The following CNTNAP5 variants were observed in gnomAD, a reference collection of about 807,000 sequenced individuals.
CNTNAP5 encodes the protein contactin associated protein family member 5, also known as contactin-associated protein-like 5.
CNTNAP5 carries 72 observed loss-of-function variants against 150.2 expected under a neutral mutation model. The observed-to-expected ratio is 0.48, with a 90% CI of 0.40 to 0.58. The LOEUF is 0.58. Among genes scored for constraint, CNTNAP5 ranks in the 20% least tolerant of loss-of-function variants. The pLI is 0.00. For missense variants in CNTNAP5, 1,636 were observed against 1,626.2 expected, an observed-to-expected ratio of 1.01 and a Z score of -0.10; for synonymous variants, 672 against 619.8, an observed-to-expected ratio of 1.08 and a Z score of -1.25.
intron 13 of CNTNAP5, among the ~76,000 whole-genome samples, chr2:124,725,300 C>G (rs951626104): frequency 6.6e-6 from 1 of 151,820 alleles, no homozygotes; most frequent in African/African-American, 2.4e-5. Context: ...TTTTTTCCAG[C>G]TTTATTGAAG....
intron 1 of CNTNAP5, among the ~76,000 whole-genome samples, chr2:124,095,879 A>T (rs1041753870): frequency 6.6e-6 from 1 of 152,074 alleles, no homozygotes; most frequent in Non-Finnish European, 1.5e-5. Flanking sequence ...AATCTTTAAC[A>T]CTCTTATGAG....
Position 124,419,896 on chromosome 2 carries a change from TTTTCTTTCTTTCTTTCTTTCTTTC to T in CNTNAP5, c.529+2343_529+2366del, listed in dbSNP as rs776205045. Reference sequence around the variant, plus strand: ...CATGTTTTTTATTTGACTGGATTGGTTTTCTTTCTTTCTTTCTTTCTTTCTTTCTTTCTTTCTTTCTTTCTTTCT... The same window carrying T: ...CATGTTTTTTATTTGACTGGATTGGTTTTCTTTCTTTCTTTCTTTCTTTCT... On this transcript the variant is annotated intron_variant, in intron 4 of 23. Coordinates refer to ENST00000682447, the MANE Select transcript of CNTNAP5 (RefSeq NM_001367498.1). Among the ~76,000 whole-genome samples the T allele has an allele frequency of 1.1e-3, 92 of 85,228 alleles. No homozygotes were observed. The Middle Eastern group carries it at 0.016, about 15-fold the overall frequency. 55.9% of individuals were successfully genotyped at this position (85,228 alleles called of 152,430 possible).
At chr2:124,503,661 C>G (rs904560369) in intron 7 of CNTNAP5, among the ~76,000 whole-genome samples, 2 of 152,184 alleles carry the variant, frequency 1.3e-5, no homozygotes, top group Non-Finnish European at 2.9e-5. Context: ...GGCTTTCAAG[C>G]TCTGCCTCTC....
intron 11 of CNTNAP5, among the ~76,000 whole-genome samples, chr2:124,567,135 A>G (rs1250735998): frequency 6.6e-6 from 1 of 152,170 alleles, no homozygotes; most frequent in Non-Finnish European, 1.5e-5. Context: ...ATGTGAAGCA[A>G]GAGGACAGAC....
At chr2:124,434,150 T>C (rs551000765) in intron 4 of CNTNAP5, among the ~76,000 whole-genome samples, 1 of 152,316 alleles carries the variant, frequency 6.6e-6, no homozygotes, top group South Asian at 2.1e-4. Flanking sequence ...AGAGAGATTA[T>C]TCTAAGCCAT....
At chr2:124,699,068 T>C (rs1679465366) in intron 13 of CNTNAP5, among the ~76,000 whole-genome samples, 1 of 152,178 alleles carries the variant, frequency 6.6e-6, no homozygotes, top group South Asian at 2.1e-4. Context: ...GTAATTTAAA[T>C]TGAAGTTTAA....
At chr2:124,519,463 C>A (rs905151950) in intron 8 of CNTNAP5, among the ~76,000 whole-genome samples, 2 of 152,192 alleles carry the variant, frequency 1.3e-5, no homozygotes, top group African/African-American at 4.8e-5. Flanking sequence ...AGGAGCAGGG[C>A]AGGGCTGGCT....
At chr2:124,819,645 T>C (rs1430781918) in intron 19 of CNTNAP5, among the ~76,000 whole-genome samples, 2 of 152,226 alleles carry the variant, frequency 1.3e-5, no homozygotes, top group East Asian at 3.9e-4. Context: ...ATCCTTTAGC[T>C]TCAGGGCTGA....
chr2:124,841,374 T>C (rs1682941460), intron 19 of CNTNAP5, among the ~76,000 whole-genome samples: 1 of 146,758 alleles, frequency 6.8e-6, no homozygotes, highest in Admixed American at 6.6e-5. Context: ...AGATATGCAC[T>C]CCATCTTTTT....
chr2:124,422,567 C>T (rs760869844), intron 4 of CNTNAP5, among the ~76,000 whole-genome samples: 4 of 152,204 alleles, frequency 2.6e-5, no homozygotes, highest in Non-Finnish European at 1.5e-5. Context: ...CCTGGATTGT[C>T]AACATTGCCA....
chr2:124,679,225 A>C (rs1679009053), intron 13 of CNTNAP5, among the ~76,000 whole-genome samples: 1 of 151,876 alleles, frequency 6.6e-6, no homozygotes, highest in Non-Finnish European at 1.5e-5. Flanking sequence ...CTCCTCAAGG[A>C]GATGAATTGA....
chr2:124,269,985 G>A (rs567977067), intron 3 of CNTNAP5, among the ~76,000 whole-genome samples: 1 of 152,120 alleles, frequency 6.6e-6, no homozygotes, highest in Non-Finnish European at 1.5e-5. Context: ...AAGCATAACA[G>A]TTCTTATATT....
At chr2:124,359,219 C>A (rs1477223152) in intron 3 of CNTNAP5, among the ~76,000 whole-genome samples, 1 of 151,596 alleles carries the variant, frequency 6.6e-6, no homozygotes, top group East Asian at 2.0e-4. Context: ...GTCTTGCTAG[C>A]GGTCTATCAA....
At chr2:124,160,003 C>T (rs1684635988) in intron 1 of CNTNAP5, among the ~76,000 whole-genome samples, 1 of 152,120 alleles carries the variant, frequency 6.6e-6, no homozygotes, top group African/African-American at 2.4e-5. Context: ...TAGCCTATGA[C>T]ATAGTGTATT....
chr2:124,750,586 A>T (rs973721101), intron 14 of CNTNAP5, among the ~76,000 whole-genome samples: 1 of 152,164 alleles, frequency 6.6e-6, no homozygotes, highest in Non-Finnish European at 1.5e-5. Context: ...AGAGAAAGTC[A>T]GGGGCATTAC....
At chr2:124,856,593 T>G (rs912825380) in intron 19 of CNTNAP5, among the ~76,000 whole-genome samples, 1 of 152,164 alleles carries the variant, frequency 6.6e-6, no homozygotes, top group African/African-American at 2.4e-5. Flanking sequence ...TCATGAGTGA[T>G]GTTGAGCATT....
intron 14 of CNTNAP5, among the ~76,000 whole-genome samples, chr2:124,754,761 C>T (rs1375946229): frequency 6.6e-6 from 1 of 151,898 alleles, no homozygotes; most frequent in African/African-American, 2.4e-5. Context: ...GATCTTGGCT[C>T]ACCGCAGCCT....
chr2:124,368,740 G>GC (rs911182238), intron 3 of CNTNAP5, among the ~76,000 whole-genome samples: 1 of 152,140 alleles, frequency 6.6e-6, no homozygotes, highest in Non-Finnish European at 1.5e-5. Flanking sequence ...TAAACTTTGT[G>GC]CTGGGGGTGG....
At chr2:124,341,236 C>T in intron 3 of CNTNAP5, among the ~76,000 whole-genome samples, 1 of 152,084 alleles carries the variant, frequency 6.6e-6, no homozygotes, top group Non-Finnish European at 1.5e-5. Context: ...CCCAGTCAGA[C>T]AGGGGAGCTT....
Sources: gnomAD v4.1 joint callset for allele counts (sites outside exome capture counted in the v4.1 genomes callset) on GRCh38, gnomAD v4.1.1 for gene constraint, MANE v1.5 for transcripts, NCBI Gene and HGNC (gene_info 2026-07-23, HGNC 2026-07-21) for gene names.